Variants in LRRC27 observed in about 807,000 individuals in gnomAD.
LRRC27 encodes leucine-rich repeat-containing protein 27.
Under a neutral mutation model 55.0 loss-of-function variants are expected in LRRC27, and 57 were observed. The observed-to-expected ratio is 1.04, with a 90% CI of 0.84 to 1.29. The LOEUF is 1.29. LRRC27 is among the 50% of genes most tolerant of loss of function. LRRC27 has a pLI of 0.00. For synonymous variants in LRRC27, 278 were observed against 251.9 expected, an observed-to-expected ratio of 1.10 and a Z score of -0.98; for missense variants, 721 against 651.5, an observed-to-expected ratio of 1.11 and a Z score of -1.16.
intron 8 of LRRC27, among the ~76,000 whole-genome samples, chr10:132,356,960 A>G (rs2133000723): frequency 6.6e-6 from 1 of 152,380 alleles, no homozygotes; most frequent in East Asian, 1.9e-4. Flanking sequence ...AGCTGGGGTA[A>G]GGCCCCCAAG....
intron 7 of LRRC27, among the ~76,000 whole-genome samples, chr10:132,353,736 C>T (rs1426109004): frequency 6.6e-6 from 1 of 152,188 alleles, no homozygotes; most frequent in Non-Finnish European, 1.5e-5. Context: ...ACCGGGAAGG[C>T]TTTCCTTTGG....
At chr10:132,369,077 C>G (rs983650157) in intron 10 of LRRC27, among the ~76,000 whole-genome samples, 1 of 152,132 alleles carries the variant, frequency 6.6e-6, no homozygotes, top group African/African-American at 2.4e-5. Flanking sequence ...ATCAGAAATG[C>G]AAGTTAAGGA....
chr10:132,359,064 G>A (rs868401561), intron 8 of LRRC27, among the ~76,000 whole-genome samples: 4 of 16,896 alleles, frequency 2.4e-4, no homozygotes, highest in Admixed American at 5.3e-4. Flanking sequence ...AGCCGAGGTG[G>A]TGGAGCAGCG....
intron 5 of LRRC27, among the ~76,000 whole-genome samples, chr10:132,347,503 G>A (rs893950039): frequency 4.0e-5 from 6 of 151,768 alleles, no homozygotes; most frequent in Non-Finnish European, 8.8e-5. Context: ...GGAAGGTCAC[G>A]CATGTCCAGT....
chr10:132,373,836 G>C (rs764197077), intron 10 of LRRC27, among the ~76,000 whole-genome samples: 32 of 152,192 alleles, frequency 2.1e-4, no homozygotes, highest in Non-Finnish European at 4.1e-4. Flanking sequence ...GATGTCGAGA[G>C]AGGTTTACAG....
chr10:132,351,865 C>A, intron 7 of LRRC27, 112 bp downstream of exon 7: 1 of 1,233,830 alleles, frequency 8.1e-7, no homozygotes, highest in Non-Finnish European at 1.1e-6. Context: ...GTTCTCCCCT[C>A]ACTGATGCTG....
Position 132,348,279 on chromosome 10 carries a change from G to A in LRRC27, c.849G>A (p.Leu283=). 6.2e-7 allele frequency: 1 copy of A among 1,614,080 alleles called. No homozygotes were observed. Residue 283 remains leucine (L), a synonymous_variant, in exon 6 of 11, where the codon TTG becomes TTA. Transcript: ENST00000368614. The surrounding 1 kb of genome is among the most constrained non-coding windows in gnomAD (Gnocchi z 4.2). ...VKADVLGDQL[L]TRELPPNLKA... The stretch of plus-strand genomic sequence containing the variant: ...CAGACGTTCTGGGAGATCAGCTCTT[G>A]ACGAGGGAATTACCTCCAAATCTCA...
At chr10:132,342,923 A>G (rs942187686) in intron 4 of LRRC27, among the ~76,000 whole-genome samples, 2 of 152,242 alleles carry the variant, frequency 1.3e-5, no homozygotes, top group African/African-American at 4.8e-5. Flanking sequence ...ACAGACATGT[A>G]TACGCATGTA....
chr10:132,331,884 ACCCCCTG>A (rs1564813091), upstream of LRRC27: 11 of 1,019,736 alleles, frequency 1.1e-5, no homozygotes, highest in Admixed American at 5.6e-5. Flanking sequence ...CAGGCGCACC[ACCCCCTG>A]CCACCCCCGC....
At chr10:132,349,403 T>C (rs2067895633) in intron 6 of LRRC27, among the ~76,000 whole-genome samples, 3 of 152,142 alleles carry the variant, frequency 2.0e-5, no homozygotes, top group South Asian at 2.1e-4. Flanking sequence ...AAACAAACCT[T>C]GGAAGCATCA....
intron 3 of LRRC27, among the ~76,000 whole-genome samples, chr10:132,338,692 T>TTTTTC (rs1190625433): frequency 6.6e-6 from 1 of 151,638 alleles, no homozygotes; most frequent in East Asian, 1.9e-4. Flanking sequence ...CCCTTAACTC[T>TTTTTC]TTTTCTTTTC....
At chr10:132,330,905 T>C (rs575449342), upstream of LRRC27, among the ~76,000 whole-genome samples, 1 of 151,662 alleles carries the variant, frequency 6.6e-6, no homozygotes, top group African/African-American at 2.4e-5. Context: ...GTCGTTTCCT[T>C]TAAAAAGTGG....
intron 7 of LRRC27, chr10:132,352,913 C>G: frequency 1.2e-6 from 2 of 1,613,934 alleles, no homozygotes; most frequent in Non-Finnish European, 1.7e-6. Context: ...TAGAGTATTC[C>G]AGGCCCTGAC....
chr10:132,378,487 G>A lies in LRRC27; in HGVS notation c.*3245G>A, dbSNP rs72863842. 0.15 allele frequency: 22,211 copies of A among 151,246 alleles called. 2,163 individuals are homozygous for A. Among genetic ancestry groups the A allele is most frequent in the Middle Eastern group, 0.23 (67 of 292 alleles). 9.4% of individuals were successfully genotyped at this position (151,246 alleles called of 1,614,324 possible). On this transcript the variant is annotated 3_prime_UTR_variant, in exon 11 of 11. Coordinates refer to ENST00000368614, the MANE Select transcript of LRRC27 (RefSeq NM_030626.3). Reference sequence around the variant, plus strand: ...TGTGTGCACATGTGTGTATGCATTCGTGCGTACGAGTGTGTGCATGTGTGC... The same window carrying A: ...TGTGTGCACATGTGTGTATGCATTCATGCGTACGAGTGTGTGCATGTGTGC...
At chr10:132,359,369 T>TA (rs2068503810) in intron 8 of LRRC27, among the ~76,000 whole-genome samples, 1 of 152,168 alleles carries the variant, frequency 6.6e-6, no homozygotes, top group African/African-American at 2.4e-5. Flanking sequence ...CATAAATAAA[T>TA]ACAACTCCAG....
chr10:132,348,114 G>C lies in LRRC27; in HGVS notation c.684G>C (p.Lys228Asn), dbSNP rs975837544. 5.0e-6 allele frequency: 8 copies of C among 1,614,118 alleles called. No individual in the cohort carries two copies. The highest frequency in any genetic ancestry group is 6.8e-6 in the Non-Finnish European group (8 of 1,180,038). Reference sequence around the variant, plus strand: ...CAGAGGGGGCTGTGATGAAAGAGAAGGCCAGCTTTCTCCCACCTGTGGAAA... The same window carrying C: ...CAGAGGGGGCTGTGATGAAAGAGAACGCCAGCTTTCTCCCACCTGTGGAAA... ...QDPEGAVMKE[K>N]ASFLPPVEKP... The change falls in exon 6 of 11, where the codon AAG becomes AAC. Residue 228 changes from lysine (K) to asparagine (N), a missense_variant. By Grantham distance (94) the Lys-to-Asn change is moderately conservative (BLOSUM62 0). Transcript: ENST00000368614. The surrounding 1 kb of genome is among the most constrained non-coding windows in gnomAD (Gnocchi z 4.2).
rs1022859977 is a variant in LRRC27, at chr10:132,375,495, C to T, written c.*253C>T. ...GCCTTCCCTTCTTCCTGCAGGTTCC[C>T]GCCAAGCCATGTGACAGAGTGCTCA... On this transcript the variant is annotated 3_prime_UTR_variant, in exon 11 of 11. Transcript: ENST00000368614. The T allele has an allele frequency of 1.5e-4, 60 of 394,704 alleles. 2 individuals are homozygous for T. Among genetic ancestry groups the T allele is most frequent in the South Asian group, 3.8e-4 (10 of 26,126 alleles). 24.5% of individuals were successfully genotyped at this position (394,704 alleles called of 1,614,324 possible).
In LRRC27 at chr10:132,364,824, A is replaced by ACC. The variant is rs1350281129; in HGVS notation, c.1290-600_1290-599insCC. Among the ~76,000 whole-genome samples, 9 of 125,542 alleles carry ACC rather than the reference A, an allele frequency of 7.2e-5. No homozygotes were observed. In the South Asian group the frequency reaches 7.3e-4, roughly 10 times the overall value. The allele number at this position is 125,542 out of a possible 152,430, so 82.4% of individuals were successfully genotyped here. ...CACCCACACTTACACCCACCCTTAC[A>ACC]TCTACCTCCACGCCCACACCCTGGG... On this transcript the variant is annotated intron_variant, in intron 9 of 10. Transcript: ENST00000368614.
At chr10:132,349,666 A>G (rs1346358804) in intron 6 of LRRC27, among the ~76,000 whole-genome samples, 4 of 152,240 alleles carry the variant, frequency 2.6e-5, no homozygotes, top group African/African-American at 9.6e-5. Flanking sequence ...AATCGTACTT[A>G]TAATTTGATC....
Sources: allele counts gnomAD v4.1 joint callset (sites outside exome capture counted in the v4.1 genomes callset), GRCh38; gene constraint gnomAD v4.1.1; non-coding constraint Gnocchi (gnomAD v3.1); transcripts MANE v1.5; gene names NCBI Gene and HGNC (gene_info 2026-07-23, HGNC 2026-07-21).